The following FBN2 variants were observed in gnomAD, a reference collection of about 807,000 sequenced individuals.
FBN2 encodes the protein fibrillin-2.
FBN2 carries 105 observed loss-of-function variants against 355.6 expected under a neutral mutation model. The observed-to-expected ratio is 0.30, with a 90% CI of 0.25 to 0.35. The LOEUF is 0.35. Ranked by LOEUF, FBN2 falls within the 10% of genes least tolerant of loss-of-function variation. FBN2 has a pLI of 1.00. For missense variants in FBN2, 3,280 were observed against 3,758.7 expected (o/e 0.87, Z 3.33); for synonymous variants, 1,350 against 1,301.2 (o/e 1.04, Z -0.81).
chr5:128,271,559 A>C (rs1765267771), intron 62 of FBN2, among the ~76,000 whole-genome samples: 1 of 152,186 alleles, frequency 6.6e-6, no homozygotes, highest in African/African-American at 2.4e-5. Context: ...CCCATCCTTT[A>C]TTAAATCTAT....
At chr5:128,275,071 A>G (rs1281067926) in intron 59 of FBN2, among the ~76,000 whole-genome samples, 1 of 152,162 alleles carries the variant, frequency 6.6e-6, no homozygotes, top group Admixed American at 6.5e-5. Flanking sequence ...GAATCTAGAA[A>G]CTGATGAAGG....
At chr5:128,335,100 C>T (rs574923585) in intron 30 of FBN2, 70 bp downstream of exon 30, 77 of 1,596,438 alleles carry the variant, frequency 4.8e-5, no homozygotes, top group East Asian at 2.7e-4. Context: ...CCTTTTATCA[C>T]GCTTGTGTGT....
At chr5:128,526,290 A>C (rs1370345359) in intron 4 of FBN2, among the ~76,000 whole-genome samples, 1 of 152,162 alleles carries the variant, frequency 6.6e-6, no homozygotes, top group Non-Finnish European at 1.5e-5. Context: ...GCCCTTGTGC[A>C]CTGCTAGTAG....
intron 20 of FBN2, among the ~76,000 whole-genome samples, chr5:128,355,593 T>G (rs1477478842): frequency 6.6e-6 from 1 of 152,164 alleles, no homozygotes; most frequent in Non-Finnish European, 1.5e-5. Flanking sequence ...GAAGAGAAAG[T>G]TGCAGGCTAA....
intron 7 of FBN2, among the ~76,000 whole-genome samples, chr5:128,440,161 C>T (rs1011305877): frequency 9.9e-5 from 15 of 152,062 alleles, no homozygotes; most frequent in African/African-American, 3.6e-4. Flanking sequence ...ATGTCCTGTT[C>T]TCCAGTCTTT....
intron 6 of FBN2, among the ~76,000 whole-genome samples, chr5:128,454,721 A>G (rs1029177833): frequency 1.3e-5 from 2 of 152,200 alleles, no homozygotes; most frequent in African/African-American, 4.8e-5. Flanking sequence ...AACACACACC[A>G]GCATTTGTTT....
intron 15 of FBN2, among the ~76,000 whole-genome samples, chr5:128,373,095 G>T (rs1751987443): frequency 6.6e-6 from 1 of 152,098 alleles, no homozygotes; most frequent in Admixed American, 6.5e-5. Context: ...AAAACTGAAG[G>T]AGGCTTTCTG....
intron 5 of FBN2, among the ~76,000 whole-genome samples, chr5:128,517,998 C>T (rs747404372): frequency 2.0e-5 from 3 of 152,128 alleles, no homozygotes; most frequent in Admixed American, 1.3e-4. Flanking sequence ...TCACATTTTA[C>T]GAAGTTTAAC....
chr5:128,456,121 G>T (rs541584940), intron 6 of FBN2, among the ~76,000 whole-genome samples: 1 of 151,322 alleles, frequency 6.6e-6, no homozygotes, highest in East Asian at 2.0e-4. Context: ...AGCCAGGGAG[G>T]TTGGATGGCT....
At chr5:128,361,060 C>T (rs1261984837) in intron 19 of FBN2, among the ~76,000 whole-genome samples, 1 of 152,154 alleles carries the variant, frequency 6.6e-6, no homozygotes, top group African/African-American at 2.4e-5. Flanking sequence ...ACTCACTGCT[C>T]AGCCAGTATC....
At chr5:128,354,568 T>C (rs573053894) in intron 20 of FBN2, among the ~76,000 whole-genome samples, 17 of 152,272 alleles carry the variant, frequency 1.1e-4, no homozygotes, top group African/African-American at 4.1e-4. Flanking sequence ...GCTACAGTAG[T>C]AATTACGAAG....
chr5:128,344,697 ATTC>A (rs1751122340), intron 24 of FBN2, among the ~76,000 whole-genome samples, 187 bp from the exon 25 acceptor site: 1 of 150,090 alleles, frequency 6.7e-6, no homozygotes, highest in South Asian at 2.1e-4. Flanking sequence ...AAGATCTTAT[ATTC>A]TTTTTTTTTT....
At chr5:128,513,330 A>G (rs1337449461) in intron 5 of FBN2, among the ~76,000 whole-genome samples, 1 of 152,240 alleles carries the variant, frequency 6.6e-6, no homozygotes, top group Non-Finnish European at 1.5e-5. Context: ...ACAACTGATT[A>G]CATTTAATTT....
At chr5:128,324,619 CT>C (rs1166002656) in intron 34 of FBN2, among the ~76,000 whole-genome samples, 220 of 137,654 alleles carry the variant, frequency 1.6e-3, no homozygotes, top group South Asian at 1.8e-3. Flanking sequence ...TTTTCTTTTT[CT>C]TTTTTTTTTT....
At chr5:128,409,891 A>G (rs940098172) in intron 7 of FBN2, among the ~76,000 whole-genome samples, 4 of 152,212 alleles carry the variant, frequency 2.6e-5, no homozygotes, top group African/African-American at 9.6e-5. Flanking sequence ...CCCACGCTTA[A>G]AAAGAAAAAG....
intron 7 of FBN2, among the ~76,000 whole-genome samples, chr5:128,443,893 A>C (rs1368006721): frequency 6.6e-6 from 1 of 152,098 alleles, no homozygotes; most frequent in Non-Finnish European, 1.5e-5. Flanking sequence ...TTTAGAGCAA[A>C]CATTACATTT....
intron 18 of FBN2, among the ~76,000 whole-genome samples, chr5:128,363,493 A>G (rs1378447617): frequency 6.6e-6 from 1 of 152,176 alleles, no homozygotes; most frequent in African/African-American, 2.4e-5. Flanking sequence ...TCCAGCTTGC[A>G]TCACAATTTT....
intron 30 of FBN2, 45 bp downstream of exon 30, chr5:128,335,125 G>C (rs1750800143): frequency 1.2e-6 from 2 of 1,612,420 alleles, no homozygotes; most frequent in Non-Finnish European, 1.7e-6. Context: ...GTGGGTGTGT[G>C]TGCATGTGTG....
chr5:128,354,426 T>C (rs989071535), intron 20 of FBN2, among the ~76,000 whole-genome samples: 3 of 152,210 alleles, frequency 2.0e-5, no homozygotes, highest in South Asian at 2.1e-4. Flanking sequence ...CTGAATGAAA[T>C]GAGAAGCCTA....
Sources: allele counts gnomAD v4.1 joint callset (sites outside exome capture counted in the v4.1 genomes callset), GRCh38; gene constraint gnomAD v4.1.1; transcripts MANE v1.5; gene names NCBI Gene and HGNC (gene_info 2026-07-23, HGNC 2026-07-21).